Variants in SPECC1 observed in about 807,000 individuals in gnomAD.
SPECC1 encodes sperm antigen with calponin homology and coiled-coil domains 1.
Under a neutral mutation model 104.1 loss-of-function variants are expected in SPECC1, and 62 were observed. The ratio of observed to expected loss-of-function variants is 0.60; its 90% CI spans 0.49 to 0.74. SPECC1 has a LOEUF of 0.74. Among genes scored for constraint, SPECC1 ranks in the 30% least tolerant of loss-of-function variants. SPECC1 has a pLI of 0.00. For synonymous variants in SPECC1, 513 were observed against 501.6 expected (o/e 1.02, Z -0.30); for missense variants, 1,306 against 1,310.5 (o/e 1.00, Z 0.05).
chr17:20,035,664 AC>A (rs1383298341), intron 1 of SPECC1, among the ~76,000 whole-genome samples: 1 of 152,000 alleles, frequency 6.6e-6, no homozygotes, highest in Non-Finnish European at 1.5e-5. Context: ...AGGCTGGAGC[AC>A]AGCAGCTATT....
intron 3 of SPECC1, among the ~76,000 whole-genome samples, chr17:20,115,592 C>T (rs2048717224): frequency 6.6e-6 from 1 of 152,020 alleles, no homozygotes; most frequent in African/African-American, 2.4e-5. Context: ...GAATTTATGC[C>T]ACCCAAGAAT....
chr17:20,096,917 G>A, intron 2 of SPECC1, 119 bp downstream of exon 2: 1 of 1,306,436 alleles, frequency 7.7e-7, no homozygotes, highest in East Asian at 2.3e-5. Flanking sequence ...CTCCCAAGGA[G>A]GGGTCGCAGG....
intron 13 of SPECC1, among the ~76,000 whole-genome samples, chr17:20,298,946 AGAGT>A (rs1312800313): frequency 3.7e-4 from 17 of 45,782 alleles, no homozygotes; most frequent in Admixed American, 1.0e-3. Context: ...AGAGAGAGAG[AGAGT>A]GTGTGTGTGT....
intron 7 of SPECC1, among the ~76,000 whole-genome samples, chr17:20,244,454 C>T (rs1223889799): frequency 6.6e-6 from 1 of 152,086 alleles, no homozygotes; most frequent in Non-Finnish European, 1.5e-5. Flanking sequence ...TCTGAAGTGC[C>T]TGATAATTTC....
In SPECC1 at chr17:20,041,461, C is replaced by G. The variant is rs185597802; in HGVS notation, c.-22+32037C>G. On this transcript the variant is annotated intron_variant, in intron 1 of 14. Coordinates refer to ENST00000395527, the MANE Select transcript of SPECC1 (RefSeq NM_001243439.2). ...TTCTCCATGTTGGTCAGGCTGGTCT[C>G]AAACTCCTGACCTCAGGTGATCCGC... Among the ~76,000 whole-genome samples, 355 of 152,002 alleles carry G rather than the reference C, an allele frequency of 2.3e-3. 1 individual carries two copies. The highest frequency in any genetic ancestry group is 8.3e-3 in the African/African-American group (344 of 41,490).
intron 3 of SPECC1, among the ~76,000 whole-genome samples, chr17:20,157,534 TG>T (rs1337580983): frequency 6.6e-6 from 1 of 152,212 alleles, no homozygotes; most frequent in Non-Finnish European, 1.5e-5. Flanking sequence ...GGTAAAGGAT[TG>T]GTAACATTTT....
At chr17:20,309,354 A>G (rs1339107266) in intron 14 of SPECC1, among the ~76,000 whole-genome samples, 1 of 152,236 alleles carries the variant, frequency 6.6e-6, no homozygotes, top group Non-Finnish European at 1.5e-5. Flanking sequence ...TCAAGTAAAT[A>G]TAAGTTTCTG....
At chr17:20,172,412 C>G (rs955158572) in intron 3 of SPECC1, among the ~76,000 whole-genome samples, 3 of 151,928 alleles carry the variant, frequency 2.0e-5, no homozygotes, top group Non-Finnish European at 4.4e-5. Context: ...ATACTGTCTC[C>G]TACTTAACCA....
chr17:20,308,436 G>A (rs1337454750), intron 14 of SPECC1, among the ~76,000 whole-genome samples: 1 of 150,766 alleles, frequency 6.6e-6, no homozygotes, highest in African/African-American at 2.4e-5. Flanking sequence ...AAGCATGTGG[G>A]GAATCTGAGA....
chr17:20,148,644 A>C (rs2031697605), intron 3 of SPECC1, among the ~76,000 whole-genome samples: 1 of 151,764 alleles, frequency 6.6e-6, no homozygotes, highest in Admixed American at 6.6e-5. Context: ...CTTGAGGTAT[A>C]ATTGTTGAAA....
At chr17:20,115,910 C>T (rs963417125) in intron 3 of SPECC1, among the ~76,000 whole-genome samples, 1 of 152,002 alleles carries the variant, frequency 6.6e-6, no homozygotes, top group African/African-American at 2.4e-5. Context: ...TGTAGAAGTA[C>T]ATAAATATTG....
At chr17:20,202,497 C>G (rs1461631525) in intron 3 of SPECC1, among the ~76,000 whole-genome samples, 1 of 152,128 alleles carries the variant, frequency 6.6e-6, no homozygotes, top group Non-Finnish European at 1.5e-5. Flanking sequence ...GAATGGTTGC[C>G]TGTCGCTTCA....
At chr17:20,266,285 A>G (rs527460943) in intron 12 of SPECC1, among the ~76,000 whole-genome samples, 2 of 152,214 alleles carry the variant, frequency 1.3e-5, no homozygotes, top group South Asian at 4.2e-4. Context: ...GCTCCAGGTA[A>G]TATTGTAGGT....
At chr17:20,016,204 A>C (rs144796658) in intron 1 of SPECC1, among the ~76,000 whole-genome samples, 9,935 of 141,144 alleles carry the variant, frequency 0.07, 939 homozygotes, top group African/African-American at 0.22. Flanking sequence ...GGCGACAGAG[A>C]GCGACTCCAT....
At chr17:20,143,385 C>CA (rs559355436) in intron 3 of SPECC1, among the ~76,000 whole-genome samples, 2,505 of 106,244 alleles carry the variant, frequency 0.024, 18 homozygotes, top group Middle Eastern at 0.05. Context: ...GATCAAGTTT[C>CA]AAAAAAAAAA....
chr17:20,112,067 A>G, intron 3 of SPECC1: 1 of 766,812 alleles, frequency 1.3e-6, no homozygotes, highest in African/African-American at 1.7e-5. Context: ...CACCTGAGGG[A>G]TTGTCAGGAT....
intron 3 of SPECC1, among the ~76,000 whole-genome samples, chr17:20,186,898 G>T (rs951170412): frequency 6.6e-6 from 1 of 152,166 alleles, no homozygotes; most frequent in Non-Finnish European, 1.5e-5. Flanking sequence ...ATTGTTGCCT[G>T]ATGTCCCCTG....
chr17:20,050,099 G>A (rs1164208547), intron 1 of SPECC1, among the ~76,000 whole-genome samples: 2 of 152,182 alleles, frequency 1.3e-5, no homozygotes, highest in African/African-American at 2.4e-5. Flanking sequence ...TTACAGGTGT[G>A]AGCCACCGCC....
At chr17:20,256,094 G>A (rs557139267) in intron 10 of SPECC1, among the ~76,000 whole-genome samples, 59 of 151,512 alleles carry the variant, frequency 3.9e-4, no homozygotes, top group African/African-American at 1.4e-3. Context: ...AGCCAGGATG[G>A]TCTCGATCTC....
Sources: gnomAD v4.1 joint callset for allele counts (sites outside exome capture counted in the v4.1 genomes callset) on GRCh38, gnomAD v4.1.1 for gene constraint, MANE v1.5 for transcripts, NCBI Gene and HGNC (gene_info 2026-07-23, HGNC 2026-07-21) for gene names.